ADAMTS18: variants seen among roughly 807,000 people sequenced by gnomAD.
ADAMTS18 encodes A disintegrin and metalloproteinase with thrombospondin motifs 18.
A neutral mutation model predicts 165.9 loss-of-function variants in ADAMTS18; 157 were observed. The observed-to-expected ratio is 0.95, with a 90% CI of 0.83 to 1.08. The LOEUF (loss-of-function observed/expected upper bound fraction) is 1.08. Among genes scored for constraint, ADAMTS18 ranks in the 50% least tolerant of loss-of-function variants. The pLI is 0.00. For missense variants in ADAMTS18, 2,040 were observed against 1,534.0 expected (o/e 1.33, Z -5.51); for synonymous variants, 782 against 578.2 (o/e 1.35, Z -5.06).
At chr16:77,354,625 TCAACCATG>T (rs1384899212) in intron 9 of ADAMTS18, among the ~76,000 whole-genome samples, 1 of 152,038 alleles carries the variant, frequency 6.6e-6, no homozygotes, top group East Asian at 1.9e-4. Flanking sequence ...GGGGTCCTAA[TCAACCATG>T]CAACCAAGAC....
chr16:77,305,665 C>T (rs1300702009), intron 16 of ADAMTS18, among the ~76,000 whole-genome samples: 3 of 152,118 alleles, frequency 2.0e-5, no homozygotes, highest in South Asian at 2.1e-4. Flanking sequence ...ACAATGACTT[C>T]TCTCTCGTTT....
At chr16:77,398,188 A>G (rs2057282801) in intron 3 of ADAMTS18, among the ~76,000 whole-genome samples, 1 of 152,000 alleles carries the variant, frequency 6.6e-6, no homozygotes, top group Non-Finnish European at 1.5e-5. Context: ...GTGGTGATGC[A>G]TGCCTGTAAT....
chr16:77,430,883 C>G (rs568099370), intron 3 of ADAMTS18, among the ~76,000 whole-genome samples: 2 of 152,300 alleles, frequency 1.3e-5, no homozygotes, highest in South Asian at 4.1e-4. Context: ...GAAGGTTGAT[C>G]TTACCAGTGC....
chr16:77,391,699 T>A (rs555224560), intron 3 of ADAMTS18, among the ~76,000 whole-genome samples: 7 of 151,858 alleles, frequency 4.6e-5, no homozygotes, highest in African/African-American at 1.7e-4. Flanking sequence ...AGAAACAGAA[T>A]GACAATATCT....
In ADAMTS18 at chr16:77,322,321, G is replaced by C. The variant is rs931514726; in HGVS notation, c.2163+15C>G. The C allele has an allele frequency of 4.3e-6, 7 of 1,613,730 alleles. No homozygotes were observed. In the African/African-American group the frequency reaches 8.0e-5, roughly 18 times the overall value. ...AAGCATGCTCATACACTCCAAAGCA[G>C]AAACGTTCTCTTACTTCACAAACCC... is the stretch of plus-strand genomic sequence containing the variant. On this transcript the variant is annotated intron_variant, in intron 14 of 22. Transcript: ENST00000282849.
At chr16:77,294,586 C>T (rs2144575834) in intron 19 of ADAMTS18, among the ~76,000 whole-genome samples, 1 of 152,322 alleles carries the variant, frequency 6.6e-6, no homozygotes, top group Admixed American at 6.5e-5. Flanking sequence ...TTCGATGCTT[C>T]ATTCTTTGTA....
rs1195694707 is a variant in ADAMTS18, at chr16:77,294,922, C to A, written c.3006+1G>T. 2 of 1,614,098 alleles carry A rather than the reference C, an allele frequency of 1.2e-6. No individual in the cohort carries two copies. The highest frequency in any genetic ancestry group is 4.5e-5 in the East Asian group (2 of 44,864). On this transcript the variant is annotated splice_donor_variant, in intron 19 of 22. Coordinates refer to ENST00000282849, the MANE Select transcript of ADAMTS18 (RefSeq NM_199355.4). LOFTEE classifies it high-confidence loss of function. ...GTAACTCCCAAGTTTTCTCCTGTTA[C>A]CTGAGACCAGGGTCCAAGGCTCCAT...
chr16:77,401,129 C>A (rs2057326257), intron 3 of ADAMTS18, among the ~76,000 whole-genome samples: 1 of 151,950 alleles, frequency 6.6e-6, no homozygotes, highest in Non-Finnish European at 1.5e-5. Context: ...GTGGCGGGTG[C>A]CTATAATACC....
At chr16:77,358,184 T>C (rs2056659593) in intron 8 of ADAMTS18, among the ~76,000 whole-genome samples, 1 of 152,162 alleles carries the variant, frequency 6.6e-6, no homozygotes, top group South Asian at 2.1e-4. Flanking sequence ...TCTAAATGTG[T>C]GTGTGTGTGT....
chr16:77,387,972 C>T (rs1199476169), intron 3 of ADAMTS18, among the ~76,000 whole-genome samples: 1 of 152,206 alleles, frequency 6.6e-6, no homozygotes, highest in African/African-American at 2.4e-5. Context: ...TCCCAACCCC[C>T]ATCCTTTACT....
chr16:77,373,542 G>A (rs2056907223), intron 3 of ADAMTS18, among the ~76,000 whole-genome samples: 2 of 151,982 alleles, frequency 1.3e-5, no homozygotes, highest in South Asian at 2.1e-4. Flanking sequence ...ATGATATAAT[G>A]GATTATGAAG....
At chr16:77,284,961 T>C (rs1000901893) in intron 22 of ADAMTS18, among the ~76,000 whole-genome samples, 4 of 152,190 alleles carry the variant, frequency 2.6e-5, no homozygotes, top group Admixed American at 2.0e-4. Context: ...ACAGTCTGTG[T>C]AGGTTTAAGT....
chr16:77,355,289 T>G (rs2056612845), intron 9 of ADAMTS18, among the ~76,000 whole-genome samples: 1 of 151,528 alleles, frequency 6.6e-6, no homozygotes, highest in Admixed American at 6.6e-5. Context: ...CTTTCCAAAC[T>G]CCTACTTTTA....
At chr16:77,375,322 A>G (rs1362048897) in intron 3 of ADAMTS18, among the ~76,000 whole-genome samples, 1 of 152,074 alleles carries the variant, frequency 6.6e-6, no homozygotes, top group African/African-American at 2.4e-5. Flanking sequence ...GTCTTTACCA[A>G]AAATACAAAA....
chr16:77,427,362 A>G (rs1312091077), intron 3 of ADAMTS18, among the ~76,000 whole-genome samples: 2 of 152,228 alleles, frequency 1.3e-5, no homozygotes, highest in African/African-American at 4.8e-5. Flanking sequence ...AAAATTAAGA[A>G]ATACAGGTAA....
At chr16:77,368,006 A>T (rs1215533105) in intron 3 of ADAMTS18, among the ~76,000 whole-genome samples, 1 of 152,120 alleles carries the variant, frequency 6.6e-6, no homozygotes, top group Non-Finnish European at 1.5e-5. Context: ...CCTCTGGAGT[A>T]GCTGAGACTA....
chr16:77,396,955 C>T (rs754853333), intron 3 of ADAMTS18, among the ~76,000 whole-genome samples: 4 of 151,894 alleles, frequency 2.6e-5, no homozygotes, highest in Non-Finnish European at 4.4e-5. Context: ...TACAGGCGCC[C>T]GCCACCACGC....
chr16:77,360,881 G>A (rs1283461595), intron 7 of ADAMTS18, among the ~76,000 whole-genome samples: 1 of 152,150 alleles, frequency 6.6e-6, no homozygotes, highest in South Asian at 2.1e-4. Flanking sequence ...GAGGTCAGGA[G>A]TTCGAGACCA....
intron 4 of ADAMTS18, 129 bp downstream of exon 4, chr16:77,367,312 G>T: frequency 1.0e-6 from 1 of 960,770 alleles, no homozygotes; most frequent in South Asian, 1.4e-5. Flanking sequence ...GATAATTACT[G>T]GTCCTACACC....
Sources: allele counts gnomAD v4.1 joint callset (sites outside exome capture counted in the v4.1 genomes callset), GRCh38; gene constraint gnomAD v4.1.1; transcripts MANE v1.5; gene names NCBI Gene and HGNC (gene_info 2026-07-23, HGNC 2026-07-21).